MCCC2: variants seen among roughly 807,000 people sequenced by gnomAD.
MCCC2 encodes methylcrotonyl-CoA carboxylase subunit 2.
MCCC2 carries 52 observed loss-of-function variants against 77.2 expected under a neutral mutation model. The observed-to-expected ratio is 0.67, with a 90% CI of 0.54 to 0.85. The LOEUF is 0.85. Among genes scored for constraint, MCCC2 ranks in the 40% least tolerant of loss-of-function variants. The pLI is 0.00. For synonymous variants in MCCC2, 253 were observed against 248.4 expected (o/e 1.02, Z -0.18); for missense variants, 682 against 703.2 (o/e 0.97, Z 0.34).
intron 1 of MCCC2, 149 bp from the exon 2 acceptor site, chr5:71,592,777 C>T (rs1049371585): frequency 2.9e-6 from 2 of 686,668 alleles, no homozygotes; most frequent in East Asian, 2.7e-5. Context: ...AGTGGCCCAG[C>T]GTGGCTGCCA....
chr5:71,607,702 T>C (rs1258635976), intron 6 of MCCC2, among the ~76,000 whole-genome samples: 1 of 149,596 alleles, frequency 6.7e-6, no homozygotes, highest in Non-Finnish European at 1.5e-5. Context: ...CTGCTTTCTC[T>C]TGTGGGCATT....
intron 15 of MCCC2, among the ~76,000 whole-genome samples, chr5:71,652,269 T>C (rs1747456446): frequency 6.6e-6 from 1 of 152,216 alleles, no homozygotes; most frequent in African/African-American, 2.4e-5. Context: ...AGCTTAAACA[T>C]TTAAGCTTAA....
intron 5 of MCCC2, chr5:71,602,849 G>T: frequency 1.6e-6 from 1 of 613,182 alleles, no homozygotes; most frequent in Non-Finnish European, 2.7e-6. Context: ...ACATTTTGAC[G>T]CATGCCAGTT....
chr5:71,617,205 C>G (rs1746189271), intron 6 of MCCC2, among the ~76,000 whole-genome samples: 1 of 152,170 alleles, frequency 6.6e-6, no homozygotes, highest in African/African-American at 2.4e-5. Flanking sequence ...TCTGCTCAGG[C>G]CCATGCTGGT....
intron 14 of MCCC2, 26 bp downstream of exon 14, chr5:71,649,279 C>T (rs201735025): frequency 3.2e-5 from 51 of 1,602,460 alleles, no homozygotes; most frequent in Non-Finnish European, 4.4e-5. Flanking sequence ...TTCTCTGAAA[C>T]AAAGAAACAT....
In MCCC2 at chr5:71,604,459, T is replaced by G. The variant is rs368906147; in HGVS notation, c.615T>G (p.Asn205Lys). 13 of 1,612,784 alleles carry G rather than the reference T, an allele frequency of 8.1e-6. No individual in the cohort carries two copies. In the South Asian group the frequency reaches 8.8e-5, roughly 11 times the overall value. Residue 205 changes from asparagine (N) to lysine (K), a missense_variant, in exon 6 of 17, where the codon AAT becomes AAG. Physicochemically the swap from Asn to Lys is moderately conservative, Grantham distance 94. Coordinates refer to ENST00000340941, the MANE Select transcript of MCCC2 (RefSeq NM_022132.5). The part of the protein sequence containing the change: ...FYNQAIMSSK[N>K]IAQIAVVMGS... ...ATCAGGCAATTATGTCTTCTAAAAA[T>G]ATTGCACAGGTAATTTTTCATGAAT...
At chr5:71,607,843 C>G (rs1745752469) in intron 6 of MCCC2, among the ~76,000 whole-genome samples, 1 of 145,774 alleles carries the variant, frequency 6.9e-6, no homozygotes, top group Non-Finnish European at 1.5e-5. Context: ...ACCCAGTGGT[C>G]ATTCAGGAGC....
In MCCC2 at chr5:71,633,125, A is replaced by ATTTTTTTTTT. The variant is rs1398247533; in HGVS notation, c.803+941_803+942insTTTTTTTTTT. 7.6e-3 allele frequency among the ~76,000 whole-genome samples: 326 copies of ATTTTTTTTTT among 42,784 alleles called. 11 individuals are homozygous for ATTTTTTTTTT. The highest frequency in any genetic ancestry group is 0.018 in the Middle Eastern group (1 of 56). 28.1% of individuals were successfully genotyped at this position (42,784 alleles called of 152,430 possible). ...TATATATATATATATATATATATAT[A>ATTTTTTTTTT]TATATATTTTTATTTTTTGTAGAAA... On this transcript the variant is annotated intron_variant, in intron 8 of 16. Coordinates refer to ENST00000340941, the MANE Select transcript of MCCC2 (RefSeq NM_022132.5).
intron 8 of MCCC2, among the ~76,000 whole-genome samples, chr5:71,633,115 A>ATTTT (rs1746786981): frequency 2.6e-5 from 1 of 38,020 alleles, no homozygotes; most frequent in Non-Finnish European, 7.0e-5. Flanking sequence ...ATATATATAT[A>ATTTT]TATATATATA....
At chr5:71,596,462 T>C in intron 3 of MCCC2, 98 bp downstream of exon 3, 3 of 1,093,354 alleles carry the variant, frequency 2.7e-6, no homozygotes, top group Admixed American at 1.7e-5. Context: ...CTAGTTCTCA[T>C]CGTAAGATTC....
chr5:71,636,835 C>A (rs1746948611), intron 10 of MCCC2: 1 of 151,972 alleles, frequency 6.6e-6, no homozygotes, highest in Admixed American at 6.6e-5. Context: ...CCACTGCTTC[C>A]CAGGTTCAAG....
intron 3 of MCCC2, among the ~76,000 whole-genome samples, chr5:71,597,628 A>G (rs936026136): frequency 6.6e-6 from 1 of 152,150 alleles, no homozygotes; most frequent in Non-Finnish European, 1.5e-5. Flanking sequence ...TATGGAGTGT[A>G]AGGGGGAGAA....
At chr5:71,636,046 A>C in intron 10 of MCCC2, 1 of 360,684 alleles carries the variant, frequency 2.8e-6, no homozygotes, top group South Asian at 2.3e-5. Context: ...GTCTATACGT[A>C]TATTTTTTTG....
At chr5:71,605,150 T>TC (rs1231959638) in intron 6 of MCCC2, among the ~76,000 whole-genome samples, 1 of 91,128 alleles carries the variant, frequency 1.1e-5, no homozygotes, top group Non-Finnish European at 2.4e-5. Flanking sequence ...CCCTGAGGAA[T>TC]CGCCACACTG....
intron 16 of MCCC2, among the ~76,000 whole-genome samples, chr5:71,656,147 G>A (rs1003532249): frequency 3.3e-5 from 5 of 152,210 alleles, no homozygotes; most frequent in South Asian, 2.1e-4. Flanking sequence ...CCCAGAGGGC[G>A]GAGATTGCAG....
At chr5:71,652,910 AT>A (rs1747479158) in intron 16 of MCCC2, among the ~76,000 whole-genome samples, 156 bp downstream of exon 16, 1 of 152,200 alleles carries the variant, frequency 6.6e-6, no homozygotes, top group African/African-American at 2.4e-5. Context: ...TTTCTTTACA[AT>A]CTGAATGGCT....
chr5:71,595,299 C>A (rs574509529), intron 2 of MCCC2, among the ~76,000 whole-genome samples: 1 of 152,144 alleles, frequency 6.6e-6, no homozygotes, highest in East Asian at 1.9e-4. Context: ...AGTGGTGGCA[C>A]ATGCCTGTAG....
chr5:71,651,339 CTT>C (rs1482730066), intron 15 of MCCC2, among the ~76,000 whole-genome samples: 2 of 152,180 alleles, frequency 1.3e-5, no homozygotes, highest in Non-Finnish European at 2.9e-5. Flanking sequence ...GCAGTGGAAA[CTT>C]GATGAAAGGC....
chr5:71,649,154 T>C lies in MCCC2; in HGVS notation c.1274T>C (p.Met425Thr). Residue 425 changes from methionine (M) to threonine (T), a missense_variant, in exon 14 of 17, where the codon ATG (methionine) becomes ACG (threonine). Transcript: ENST00000340941. ...GGAATTGCCAAGGATGGTGCCAAGA[T>C]GGTGGCCGCTGTGGCCTGTGCCCAA... ...AEGIAKDGAK[M>T]VAAVACAQVP... The C allele has an allele frequency of 6.2e-7, 1 of 1,614,226 alleles. No homozygotes were observed. Among genetic ancestry groups the C allele is most frequent in the East Asian group, 2.2e-5 (1 of 44,882 alleles).
Sources: allele counts gnomAD v4.1 joint callset (sites outside exome capture counted in the v4.1 genomes callset), GRCh38; gene constraint gnomAD v4.1.1; transcripts MANE v1.5; gene names NCBI Gene and HGNC (gene_info 2026-07-23, HGNC 2026-07-21).